Variants in GABRB1 observed in about 807,000 individuals in gnomAD.
GABRB1 encodes the protein gamma-aminobutyric acid type A receptor subunit beta1.
Under a neutral mutation model 51.6 loss-of-function variants are expected in GABRB1, and 17 were observed. The observed-to-expected ratio is 0.33, with a 90% CI of 0.23 to 0.49. The LOEUF (loss-of-function observed/expected upper bound fraction) is 0.49, where lower values mean the gene tolerates loss of function less well. GABRB1 is among the 20% of genes least tolerant of loss of function. The probability of loss-of-function intolerance (pLI) is 0.99; values close to 1 mark genes in which losing one functional copy is unlikely to be tolerated. For synonymous variants in GABRB1, 247 were observed against 218.9 expected, an observed-to-expected ratio of 1.13 and a Z score of -1.14; for missense variants, 410 against 600.6, an observed-to-expected ratio of 0.68 and a Z score of 3.32.
At chr4:47,066,140 T>G (rs1389112606) in intron 3 of GABRB1, among the ~76,000 whole-genome samples, 3 of 152,204 alleles carry the variant, frequency 2.0e-5, no homozygotes, top group African/African-American at 7.2e-5. Context: ...TCACACACAA[T>G]TTTTGGTTTC....
chr4:47,278,290 A>G (rs1240883047), intron 4 of GABRB1, among the ~76,000 whole-genome samples: 1 of 152,198 alleles, frequency 6.6e-6, no homozygotes, highest in Non-Finnish European at 1.5e-5. Context: ...TTGTTTATAT[A>G]TAATTGTCAA....
At chr4:47,324,558 TC>T (rs1725185485) in intron 5 of GABRB1, among the ~76,000 whole-genome samples, 1 of 152,218 alleles carries the variant, frequency 6.6e-6, no homozygotes, top group South Asian at 2.1e-4. Flanking sequence ...TGCCTCAACT[TC>T]CTTTCAACCC....
intron 4 of GABRB1, among the ~76,000 whole-genome samples, chr4:47,308,356 A>T (rs550372666): frequency 6.6e-6 from 1 of 152,160 alleles, no homozygotes; most frequent in Non-Finnish European, 1.5e-5. Flanking sequence ...TAATTTCAGG[A>T]TATTTGTTTT....
chr4:47,316,578 T>C (rs2109958933), intron 4 of GABRB1, among the ~76,000 whole-genome samples: 1 of 152,078 alleles, frequency 6.6e-6, no homozygotes, highest in Non-Finnish European at 1.5e-5. Flanking sequence ...TCAAGATCAC[T>C]ATATTAACTT....
At chr4:47,272,836 T>A (rs1466341867) in intron 4 of GABRB1, among the ~76,000 whole-genome samples, 1 of 152,174 alleles carries the variant, frequency 6.6e-6, no homozygotes, top group Non-Finnish European at 1.5e-5. Flanking sequence ...TGAATATCTC[T>A]GTATACATTT....
In GABRB1 at chr4:47,098,272, G is replaced by C. The variant is rs190371904; in HGVS notation, c.241-62977G>C. Reference sequence around the variant, plus strand: ...TAAAATTTTCCAAGTCTTCCCTGGAGTTAGGTCTTCCTTCCCCACCCCAAA... The same window carrying C: ...TAAAATTTTCCAAGTCTTCCCTGGACTTAGGTCTTCCTTCCCCACCCCAAA... On this transcript the variant is annotated intron_variant, in intron 3 of 8. Transcript: ENST00000295454. Among the ~76,000 whole-genome samples the C allele has an allele frequency of 1.5e-3, 232 of 151,836 alleles. 1 individual carries two copies. The highest frequency in any genetic ancestry group is 2.4e-3 in the Admixed American group (37 of 15,236).
At chr4:47,045,060 G>T (rs1447115838) in intron 3 of GABRB1, among the ~76,000 whole-genome samples, 1 of 152,164 alleles carries the variant, frequency 6.6e-6, no homozygotes, top group Middle Eastern at 3.4e-3. Context: ...AAGGGTTAGG[G>T]TTCTCAGATT....
intron 3 of GABRB1, among the ~76,000 whole-genome samples, chr4:47,160,249 A>G (rs1455962861): frequency 3.9e-5 from 6 of 152,120 alleles, no homozygotes; most frequent in Admixed American, 3.9e-4. Context: ...TTTCAAGATC[A>G]ATTTCAACTC....
chr4:47,364,415 G>T (rs1355946145), intron 5 of GABRB1, among the ~76,000 whole-genome samples: 2 of 151,952 alleles, frequency 1.3e-5, no homozygotes. Flanking sequence ...GAAAGGGATG[G>T]AGAACAAGAA....
Position 47,031,640 on chromosome 4 carries a change from T to C in GABRB1, c.-12T>C. The C allele has an allele frequency of 6.2e-7, 1 of 1,603,146 alleles. No homozygotes were observed. Among genetic ancestry groups the C allele is most frequent in the Non-Finnish European group, 8.5e-7 (1 of 1,170,396 alleles). On this transcript the variant is annotated 5_prime_UTR_variant, in exon 1 of 9. Transcript: ENST00000295454. ...TTCGCAGAAAAGACAATTCTTTTAA[T>C]CAGAGTTAGTAATGTGGACAGTACA... is the stretch of plus-strand genomic sequence containing the variant.
At chr4:47,254,690 A>G (rs943347021) in intron 4 of GABRB1, among the ~76,000 whole-genome samples, 3 of 151,276 alleles carry the variant, frequency 2.0e-5, no homozygotes, top group African/African-American at 7.3e-5. Context: ...TGATGTTTCA[A>G]CTCCCATAAA....
intron 5 of GABRB1, among the ~76,000 whole-genome samples, chr4:47,340,972 G>A (rs1230834398): frequency 6.6e-6 from 1 of 152,114 alleles, no homozygotes; most frequent in Non-Finnish European, 1.5e-5. Flanking sequence ...CATAGCACAG[G>A]AGCAAGCCAC....
At chr4:47,338,986 T>TA (rs916614059) in intron 5 of GABRB1, among the ~76,000 whole-genome samples, 18 of 152,258 alleles carry the variant, frequency 1.2e-4, no homozygotes, top group Admixed American at 4.6e-4. Flanking sequence ...AACAGAATGC[T>TA]AAAAAAACTT....
At chr4:47,098,023 C>T (rs952092500) in intron 3 of GABRB1, among the ~76,000 whole-genome samples, 3 of 152,112 alleles carry the variant, frequency 2.0e-5, no homozygotes, top group African/African-American at 7.2e-5. Flanking sequence ...TTGGGATATA[C>T]TTAGCAGCAT....
chr4:47,056,647 C>T (rs1427449125), intron 3 of GABRB1, among the ~76,000 whole-genome samples: 2 of 151,890 alleles, frequency 1.3e-5, no homozygotes, highest in Admixed American at 6.6e-5. Flanking sequence ...TTGCTGGGAA[C>T]GTTGCTGGTC....
At chr4:47,182,788 C>T (rs1010305747) in intron 4 of GABRB1, among the ~76,000 whole-genome samples, 1 of 151,876 alleles carries the variant, frequency 6.6e-6, no homozygotes, top group Non-Finnish European at 1.5e-5. Context: ...TAAGAATGAG[C>T]CTTTTTGTCA....
At chr4:47,144,339 T>C (rs750116287) in intron 3 of GABRB1, among the ~76,000 whole-genome samples, 2 of 151,980 alleles carry the variant, frequency 1.3e-5, no homozygotes, top group Non-Finnish European at 2.9e-5. Context: ...AATTAAGTTG[T>C]CAGCAAAGCT....
chr4:47,001,255 G>T (rs912494688), intron 1 of GABRB1, among the ~76,000 whole-genome samples: 1 of 152,036 alleles, frequency 6.6e-6, no homozygotes, highest in Admixed American at 6.5e-5. Context: ...CCATTCTCCT[G>T]CCTCAGCCTC....
intron 3 of GABRB1, among the ~76,000 whole-genome samples, chr4:47,096,475 G>T (rs1235371022): frequency 6.6e-6 from 1 of 152,102 alleles, no homozygotes; most frequent in Non-Finnish European, 1.5e-5. Flanking sequence ...AAACTGGTTC[G>T]GTAGGCAGAA....
Sources: allele counts gnomAD v4.1 joint callset (sites outside exome capture counted in the v4.1 genomes callset), GRCh38; gene constraint gnomAD v4.1.1; transcripts MANE v1.5; gene names NCBI Gene and HGNC (gene_info 2026-07-23, HGNC 2026-07-21).